Variants in ERGIC1 observed in about 807,000 individuals in gnomAD.
ERGIC1 encodes endoplasmic reticulum-golgi intermediate compartment 1.
In ERGIC1, 19 loss-of-function variants were observed where a neutral mutation model predicts 38.3. That is an observed-to-expected ratio of 0.50 (90% CI 0.35 to 0.73). The LOEUF (loss-of-function observed/expected upper bound fraction) is 0.73, where lower values mean the gene tolerates loss of function less well. Ranked by LOEUF, ERGIC1 falls within the 30% of genes least tolerant of loss-of-function variation. The pLI is 0.01. For missense variants in ERGIC1, 294 were observed against 389.2 expected, an observed-to-expected ratio of 0.76 and a Z score of 2.06; for synonymous variants, 124 against 157.6, an observed-to-expected ratio of 0.79 and a Z score of 1.60.
intron 1 of ERGIC1, among the ~76,000 whole-genome samples, chr5:172,858,386 C>G (rs1230746112): frequency 6.6e-6 from 1 of 152,226 alleles, no homozygotes; most frequent in African/African-American, 2.4e-5. Context: ...TCCTCACGAA[C>G]TCTTGATGCG....
chr5:172,889,595 A>G (rs1438915427), intron 2 of ERGIC1, among the ~76,000 whole-genome samples: 2 of 152,174 alleles, frequency 1.3e-5, no homozygotes, highest in African/African-American at 4.8e-5. Context: ...AGTTTGAGTA[A>G]TAAAATAAAT....
At chr5:172,944,372 T>C (rs967224585) in intron 9 of ERGIC1, among the ~76,000 whole-genome samples, 1 of 152,050 alleles carries the variant, frequency 6.6e-6, no homozygotes. Context: ...TTTTTTTTTT[T>C]TCTGAGACGG....
At chr5:172,911,082 G>C (rs1007630605) in intron 4 of ERGIC1, among the ~76,000 whole-genome samples, 5 of 152,254 alleles carry the variant, frequency 3.3e-5, no homozygotes, top group Middle Eastern at 3.4e-3. Flanking sequence ...CCTCTGCCCA[G>C]CCTGGCACAG....
intron 3 of ERGIC1, among the ~76,000 whole-genome samples, chr5:172,903,708 G>C (rs1376177729): frequency 6.6e-6 from 1 of 152,128 alleles, no homozygotes; most frequent in East Asian, 1.9e-4. Flanking sequence ...GTTCTCATTT[G>C]ATCTTCTCAG....
chr5:172,856,421 GT>G (rs58942619), intron 1 of ERGIC1, among the ~76,000 whole-genome samples: 6 of 152,270 alleles, frequency 3.9e-5, no homozygotes, highest in African/African-American at 1.2e-4. Context: ...GTGAATCAGG[GT>G]GCTTCCTGGA....
chr5:172,932,323 G>T, intron 7 of ERGIC1, 113 bp from the exon 8 acceptor site: 1 of 1,013,100 alleles, frequency 9.9e-7, no homozygotes, highest in Non-Finnish European at 1.5e-6. Context: ...GTAAAACTGG[G>T]GAATGAGCCC....
chr5:172,873,128 C>T (rs1226019840), intron 1 of ERGIC1, among the ~76,000 whole-genome samples: 3 of 152,256 alleles, frequency 2.0e-5, no homozygotes, highest in African/African-American at 7.2e-5. Context: ...TATTTTTATC[C>T]GATGATGGGC....
chr5:172,907,270 G>C (rs1763055638), intron 3 of ERGIC1, among the ~76,000 whole-genome samples: 1 of 152,180 alleles, frequency 6.6e-6, no homozygotes, highest in Non-Finnish European at 1.5e-5. Flanking sequence ...CAAGCCTAAA[G>C]GCCTCGGCCA....
Position 172,935,191 on chromosome 5 carries a change from T to A in ERGIC1, c.646T>A (p.Tyr216Asn), listed in dbSNP as rs1441634768. ...SYQYTVANKE[Y>N]VAYSHTGRII... ...ATTCTTATATCCTCTACCCCAGGAA[T>A]ACGTCGCCTACAGCCACACGGGCCG... Residue 216 changes from tyrosine (Y) to asparagine (N), a missense_variant, in exon 9 of 10, where the codon TAC (tyrosine) becomes AAC (asparagine). Tyr to Asn is a moderately radical substitution (Grantham distance 143). Coordinates refer to ENST00000393784, the MANE Select transcript of ERGIC1 (RefSeq NM_001031711.3). 1 of 1,614,128 alleles carries A rather than the reference T, an allele frequency of 6.2e-7. No individual in the cohort carries two copies. The highest frequency in any genetic ancestry group is 8.5e-7 in the Non-Finnish European group (1 of 1,180,028).
chr5:172,909,656 C>A lies in ERGIC1; in HGVS notation c.156-11C>A, dbSNP rs73325199. ...TCTCAACAAAGGTTCCTATACTTGT[C>A]TTTCCCCTAGTGTGAACGAGCTCTA... is the stretch of plus-strand genomic sequence containing the variant. On this transcript the variant is annotated splice_polypyrimidine_tract_variant and intron_variant, in intron 3 of 9. Transcript: ENST00000393784. 8.4e-4 allele frequency: 1,348 copies of A among 1,613,784 alleles called. 17 individuals carry two copies. In the African/African-American group the frequency reaches 0.015, roughly 18 times the overall value.
At chr5:172,920,473 G>C in intron 5 of ERGIC1, 1 of 717,618 alleles carries the variant, frequency 1.4e-6, no homozygotes, top group Non-Finnish European at 2.6e-6. Flanking sequence ...CGCAGGAGGA[G>C]GACAGGATGG....
chr5:172,877,459 T>TATA (rs1554108825), intron 1 of ERGIC1, among the ~76,000 whole-genome samples: 85 of 57,750 alleles, frequency 1.5e-3, no homozygotes, highest in South Asian at 3.3e-3. Flanking sequence ...TATATATATA[T>TATA]TTTTTTTTTT....
chr5:172,898,066 G>A (rs1762768746), intron 3 of ERGIC1: 1 of 397,672 alleles, frequency 2.5e-6, no homozygotes, highest in Non-Finnish European at 4.5e-6. Flanking sequence ...AGGCTTCAAA[G>A]CCTCTTCATT....
chr5:172,911,940 C>G (rs776416553), intron 4 of ERGIC1, among the ~76,000 whole-genome samples: 6 of 152,030 alleles, frequency 3.9e-5, no homozygotes, highest in Non-Finnish European at 7.4e-5. Context: ...CAGGTGGGGC[C>G]CCCGTTCCCT....
chr5:172,839,989 T>C (rs187366130), intron 1 of ERGIC1, among the ~76,000 whole-genome samples: 194 of 152,354 alleles, frequency 1.3e-3, no homozygotes, highest in African/African-American at 4.3e-3. Context: ...ATTGGATTCA[T>C]TGGGTTTCTC....
intron 2 of ERGIC1, among the ~76,000 whole-genome samples, chr5:172,890,890 G>A (rs1299074505): frequency 2.0e-5 from 3 of 152,234 alleles, no homozygotes; most frequent in Admixed American, 6.5e-5. Context: ...TTGGGGATCC[G>A]GCTGGGCTTG....
At chr5:172,843,403 C>T (rs899739606) in intron 1 of ERGIC1, among the ~76,000 whole-genome samples, 1 of 152,212 alleles carries the variant, frequency 6.6e-6, no homozygotes, top group Admixed American at 6.5e-5. Flanking sequence ...TGGCACCTCA[C>T]ATGGTGCTAT....
At chr5:172,893,897 A>G (rs377667157) in intron 2 of ERGIC1, among the ~76,000 whole-genome samples, 1,126 of 10,640 alleles carry the variant, frequency 0.11, 35 homozygotes, top group Middle Eastern at 0.18. Flanking sequence ...ATATATATAT[A>G]TATATATATG....
intron 4 of ERGIC1, 183 bp from the exon 5 acceptor site, chr5:172,914,531 A>G: frequency 2.1e-6 from 2 of 961,288 alleles, no homozygotes; most frequent in Admixed American, 2.0e-5. Context: ...CCCTCGCCTC[A>G]CGTTTAGCGG....
Sources: allele counts gnomAD v4.1 joint callset (sites outside exome capture counted in the v4.1 genomes callset), GRCh38; gene constraint gnomAD v4.1.1; transcripts MANE v1.5; gene names NCBI Gene and HGNC (gene_info 2026-07-23, HGNC 2026-07-21).